PLD5: variants seen among roughly 807,000 people sequenced by gnomAD.
The protein encoded by PLD5 is phospholipase D family member 5.
PLD5 carries 36 observed loss-of-function variants against 61.1 expected under a neutral mutation model. The ratio of observed to expected loss-of-function variants is 0.59; its 90% CI spans 0.45 to 0.78. PLD5 has a LOEUF of 0.78. Among genes scored for constraint, PLD5 ranks in the 30% least tolerant of loss-of-function variants. PLD5 has a pLI of 0.00. For missense variants in PLD5, 515 were observed against 644.4 expected (o/e 0.80, Z 2.17); for synonymous variants, 243 against 242.8 (o/e 1.00, Z -0.01).
chr1:242,523,731 T>C (rs1669352547), intron 1 of PLD5, among the ~76,000 whole-genome samples: 1 of 152,178 alleles, frequency 6.6e-6, no homozygotes, highest in African/African-American at 2.4e-5. Context: ...TAAAGCCCAC[T>C]ACCATGCAAC....
intron 6 of PLD5, among the ~76,000 whole-genome samples, chr1:242,120,674 T>C (rs1316651275): frequency 2.0e-5 from 3 of 152,136 alleles, no homozygotes; most frequent in African/African-American, 7.2e-5. Context: ...AAACAAGAAA[T>C]GAAATCTGTC....
At chr1:242,206,136 A>G (rs1669298785) in intron 5 of PLD5, among the ~76,000 whole-genome samples, 1 of 152,214 alleles carries the variant, frequency 6.6e-6, no homozygotes, top group East Asian at 1.9e-4. Flanking sequence ...GATTAAAAGT[A>G]TCCATATCAG....
rs1029643666 is a variant in PLD5, at chr1:242,083,445, G to A, written c.*6409C>T. On this transcript the variant is annotated 3_prime_UTR_variant, in exon 10 of 10. Transcript: ENST00000536534. ...CAGAAAACATGGTTTTGCTCCTGCA[G>A]GAGCTGTGGAGGTAGGGTCTCTCCA... 6.6e-6 allele frequency: 1 copy of A among 152,206 alleles called. No homozygotes were observed. The highest frequency in any genetic ancestry group is 1.5e-5 in the Non-Finnish European group (1 of 68,054). 9.4% of individuals were successfully genotyped at this position (152,206 alleles called of 1,614,324 possible).
intron 5 of PLD5, among the ~76,000 whole-genome samples, chr1:242,162,179 T>A (rs978735971): frequency 6.6e-6 from 1 of 152,178 alleles, no homozygotes; most frequent in Admixed American, 6.5e-5. Flanking sequence ...CCAATTAAAA[T>A]GTCAAAAGAT....
intron 2 of PLD5, among the ~76,000 whole-genome samples, chr1:242,318,488 C>T (rs946267643): frequency 2.6e-5 from 4 of 152,140 alleles, no homozygotes; most frequent in Non-Finnish European, 5.9e-5. Context: ...GACCAGCAAG[C>T]CTCGACACTT....
intron 1 of PLD5, chr1:242,376,938 C>T (rs1661996192): frequency 1.2e-6 from 2 of 1,607,052 alleles, no homozygotes; most frequent in East Asian, 2.2e-5. Flanking sequence ...CTCGGCTGAG[C>T]TCATCCTTTT....
chr1:242,208,199 CTCTT>C (rs1669564862), intron 5 of PLD5, among the ~76,000 whole-genome samples: 1 of 151,596 alleles, frequency 6.6e-6, no homozygotes, highest in South Asian at 2.1e-4. Context: ...TAAGCAGGAT[CTCTT>C]TCTTTCTTCA....
At chr1:242,304,763 T>G (rs1676250043) in intron 2 of PLD5, among the ~76,000 whole-genome samples, 1 of 152,218 alleles carries the variant, frequency 6.6e-6, no homozygotes, top group South Asian at 2.1e-4. Context: ...GCAGAACAGA[T>G]TTCTTCATTG....
At chr1:242,508,954 G>A (rs1668817218) in intron 1 of PLD5, among the ~76,000 whole-genome samples, 3 of 152,138 alleles carry the variant, frequency 2.0e-5, no homozygotes, top group Admixed American at 1.3e-4. Flanking sequence ...GGTGGTGCAT[G>A]CCTGTAATCT....
rs2148634076 is a variant in PLD5, at chr1:242,086,977, A to C, written c.*2877T>G. 1 of 150,690 alleles carries C rather than the reference A, an allele frequency of 6.6e-6. No homozygotes were observed. Among genetic ancestry groups the C allele is most frequent in the South Asian group, 2.1e-4 (1 of 4,676 alleles). The allele number at this position is 150,690 out of a possible 1,614,324, so 9.3% of individuals were successfully genotyped here. The stretch of plus-strand genomic sequence containing the variant: ...TCCCTCCTGGAAAGTAATTCCTGGG[A>C]TATTTAGGGGTGGGGGGGAATGGAG... On this transcript the variant is annotated 3_prime_UTR_variant, in exon 10 of 10. Coordinates refer to ENST00000536534, the MANE Select transcript of PLD5 (RefSeq NM_001372062.1).
chr1:242,284,119 CTTTTTTTTTTTTTTTTTT>C (rs565165218), intron 3 of PLD5, among the ~76,000 whole-genome samples: 1 of 75,948 alleles, frequency 1.3e-5, no homozygotes, highest in African/African-American at 5.6e-5. Flanking sequence ...TTTCTTTTTC[CTTTTTTTTTTTTTTTTTT>C]TTTTTTTTTT....
intron 2 of PLD5, among the ~76,000 whole-genome samples, chr1:242,346,533 A>G (rs4658808): frequency 0.77 from 116,531 of 152,138 alleles, 45,789 homozygotes; most frequent in Non-Finnish European, 0.85. Context: ...GCATTAGCAA[A>G]AGATGACAGT....
Position 242,394,462 on chromosome 1 carries a change from GTGAACA to G in PLD5, c.190-46226_190-46221del, listed in dbSNP as rs1312376639. Among the ~76,000 whole-genome samples the G allele has an allele frequency of 1.2e-4, 10 of 86,640 alleles. No homozygotes were observed. In the East Asian group the frequency reaches 2.1e-3, roughly 18 times the overall value. 56.8% of individuals were successfully genotyped at this position (86,640 alleles called of 152,430 possible). A position where few individuals can be genotyped will look rare whatever the true frequency, so the allele number is the denominator to read the frequency against. On this transcript the variant is annotated intron_variant, in intron 1 of 9. Coordinates refer to ENST00000536534, the MANE Select transcript of PLD5 (RefSeq NM_001372062.1). ...TATATGTGTGTATATGAGTATATAT[GTGAACA>G]TATATATGTGTATATATGTGAACAT...
chr1:242,368,906 C>A (rs965170235), intron 1 of PLD5, among the ~76,000 whole-genome samples: 7 of 152,170 alleles, frequency 4.6e-5, no homozygotes, highest in African/African-American at 1.4e-4. Context: ...GCCGAGGACT[C>A]TTTTGCCCTC....
chr1:242,110,965 T>C (rs1661440469), intron 7 of PLD5, among the ~76,000 whole-genome samples: 1 of 152,142 alleles, frequency 6.6e-6, no homozygotes, highest in South Asian at 2.1e-4. Context: ...AAATAAATAA[T>C]GAACAACCCC....
At position 242,273,017 on chromosome 1, in the gene PLD5, T is replaced by A. The variant is rs567644359; in HGVS notation, c.496-7569A>T. On this transcript the variant is annotated intron_variant, in intron 3 of 9. Transcript: ENST00000536534. Reference sequence around the variant, plus strand: ...GTGGTTTGCTGCACCTGTCAACCCATCATCTGGGTTTTAAGGCCGGCATGC... The same window carrying A: ...GTGGTTTGCTGCACCTGTCAACCCAACATCTGGGTTTTAAGGCCGGCATGC... 7.9e-5 allele frequency among the ~76,000 whole-genome samples: 12 copies of A among 152,238 alleles called. No homozygotes were observed. In the South Asian group the frequency reaches 2.3e-3, roughly 29 times the overall value.
At chr1:242,285,815 A>G (rs1204934161) in intron 3 of PLD5, among the ~76,000 whole-genome samples, 1 of 152,128 alleles carries the variant, frequency 6.6e-6, no homozygotes, top group Non-Finnish European at 1.5e-5. Flanking sequence ...ATTTCAAAAT[A>G]AGTAGAAGGG....
intron 1 of PLD5, among the ~76,000 whole-genome samples, chr1:242,407,561 G>GTTTTT (rs58679212): frequency 1.3e-4 from 17 of 130,310 alleles, no homozygotes; most frequent in East Asian, 2.2e-4. Context: ...TGGTTGTTTT[G>GTTTTT]TTTTTTTTTT....
At chr1:242,502,579 A>G (rs1176658035) in intron 1 of PLD5, among the ~76,000 whole-genome samples, 2 of 152,194 alleles carry the variant, frequency 1.3e-5, no homozygotes, top group African/African-American at 4.8e-5. Flanking sequence ...TCATTTAACA[A>G]AAGTCTCAGG....
Sources: gnomAD v4.1 joint callset for allele counts (sites outside exome capture counted in the v4.1 genomes callset) on GRCh38, gnomAD v4.1.1 for gene constraint, MANE v1.5 for transcripts, NCBI Gene and HGNC (gene_info 2026-07-23, HGNC 2026-07-21) for gene names.